Variants in P2RX5 observed in about 807,000 individuals in gnomAD.
The protein encoded by P2RX5 is purinergic receptor P2X 5, also known as P2X purinoceptor 5.
In P2RX5, 46 loss-of-function variants were observed where a neutral mutation model predicts 54.1. That is an observed-to-expected ratio of 0.85 (90% CI 0.67 to 1.09). The LOEUF is 1.09. Among genes scored for constraint, P2RX5 ranks in the 50% least tolerant of loss-of-function variants. The probability of loss-of-function intolerance (pLI) is 0.00; values close to 1 mark genes in which losing one functional copy is unlikely to be tolerated. For missense variants in P2RX5, 566 were observed against 549.8 expected, an observed-to-expected ratio of 1.03 and a Z score of -0.29; for synonymous variants, 226 against 226.4, an observed-to-expected ratio of 1.00 and a Z score of 0.02.
At chr17:3,721,818 GGT>G in the P2RX5 span, 1 of 152,040 alleles carries the variant, frequency 6.6e-6, no homozygotes, top group African/African-American at 2.4e-5. Context: ...GGCTGAGGTG[GGT>G]AGATCATCTG....
At chr17:3,715,053 T>C in the P2RX5 span, 4 of 645,482 alleles carry the variant, frequency 6.2e-6, no homozygotes, top group African/African-American at 5.4e-5. Flanking sequence ...CTGCTTCTCA[T>C]ACTTACTACT....
chr17:3,684,574 C>T (rs945764561), intron 9 of P2RX5, among the ~76,000 whole-genome samples: 2 of 152,236 alleles, frequency 1.3e-5, no homozygotes, highest in Non-Finnish European at 2.9e-5. Context: ...TGCACTCCAG[C>T]CTGGGCAACA....
At chr17:3,709,529 G>A in the P2RX5 span, among the ~76,000 whole-genome samples, 2 of 152,190 alleles carry the variant, frequency 1.3e-5, no homozygotes, top group Non-Finnish European at 2.9e-5. Flanking sequence ...CATGCCCTTA[G>A]TCCCAGCTAC....
the P2RX5 span, chr17:3,723,810 G>T: frequency 1.3e-6 from 2 of 1,581,998 alleles, no homozygotes; most frequent in African/African-American, 1.4e-5. Context: ...GTCCCGTCCC[G>T]GCCCCGGCCC....
At chr17:3,680,972 T>A (rs373713304) in intron 10 of P2RX5, among the ~76,000 whole-genome samples, 9 of 136,330 alleles carry the variant, frequency 6.6e-5, no homozygotes, top group East Asian at 6.6e-4. Context: ...TCCTCCACCC[T>A]GCATCCTCCA....
At chr17:3,688,385 C>T (rs1406267862) in intron 8 of P2RX5, among the ~76,000 whole-genome samples, 3 of 152,222 alleles carry the variant, frequency 2.0e-5, no homozygotes, top group Non-Finnish European at 4.4e-5. Context: ...GCGGCAGAGG[C>T]CGCAAGACTC....
upstream of P2RX5, among the ~76,000 whole-genome samples, chr17:3,699,928 A>G (rs1251183498): frequency 1.1e-5 from 1 of 90,296 alleles, no homozygotes; most frequent in South Asian, 5.0e-4. Context: ...GAAAGAAAGA[A>G]AGAAAGAAAG....
At chr17:3,695,754 G>T in intron 1 of P2RX5, 115 bp downstream of exon 1, 1 of 1,319,854 alleles carries the variant, frequency 7.6e-7, no homozygotes, top group Non-Finnish European at 1.1e-6. Context: ...CAGACCCCCA[G>T]CTACCGGGAA....
intron 11 of P2RX5, chr17:3,676,015 C>G (rs1235069921): frequency 1.7e-5 from 17 of 985,252 alleles, no homozygotes; most frequent in Non-Finnish European, 2.0e-5. Flanking sequence ...GAGGGATGCT[C>G]TCACCACCCC....
the P2RX5 span, among the ~76,000 whole-genome samples, chr17:3,707,147 T>TA: frequency 4.6e-5 from 7 of 152,310 alleles, no homozygotes; most frequent in Admixed American, 2.6e-4. Flanking sequence ...AATAAGCTGA[T>TA]AGACGGTTGG....
chr17:3,701,228 T>A (rs540541446), upstream of P2RX5, among the ~76,000 whole-genome samples: 234 of 152,218 alleles, frequency 1.5e-3, no homozygotes, highest in African/African-American at 5.4e-3. Context: ...GAGGTTTTTT[T>A]TGCAATTTTT....
At chr17:3,721,336 A>G in the P2RX5 span, among the ~76,000 whole-genome samples, 1 of 132,532 alleles carries the variant, frequency 7.5e-6, no homozygotes, top group Admixed American at 8.8e-5. Context: ...GAGTGGCTCA[A>G]TCATAGCTCA....
chr17:3,707,990 G>A, the P2RX5 span, among the ~76,000 whole-genome samples: 5 of 150,374 alleles, frequency 3.3e-5, no homozygotes, highest in South Asian at 2.1e-4. Context: ...CCCGGGATGC[G>A]GAACTTGCAG....
the P2RX5 span, among the ~76,000 whole-genome samples, chr17:3,701,746 G>GGT: frequency 9.4e-6 from 1 of 106,424 alleles, no homozygotes; most frequent in South Asian, 3.4e-4. Flanking sequence ...CATTTTCTCT[G>GGT]TTTTTTTTTT....
Position 3,688,120 on chromosome 17 carries a change from GC to G in P2RX5, c.888-16del. 2.7e-6 allele frequency: 4 copies of G among 1,477,436 alleles called. No homozygotes were observed. Among genetic ancestry groups the G allele is most frequent in the Non-Finnish European group, 3.8e-6 (4 of 1,064,590 alleles). The allele number at this position is 1,477,436 out of a possible 1,614,324, so 91.5% of individuals were successfully genotyped here. On this transcript the variant is annotated splice_polypyrimidine_tract_variant and intron_variant, in intron 8 of 11. Coordinates refer to ENST00000225328, the MANE Select transcript of P2RX5 (RefSeq NM_002561.4). ...ATCTGGCAAATCTGAGGGAGACAGG[GC>G]CCAGGGGAGGCCTCAGCCTGCCTGG...
intron 1 of P2RX5, among the ~76,000 whole-genome samples, chr17:3,692,319 A>AAAATAAAT (rs569844706): frequency 6.6e-6 from 1 of 151,990 alleles, no homozygotes; most frequent in African/African-American, 2.4e-5. Flanking sequence ...TCTGTCTCAA[A>AAAATAAAT]AAATAAATAA....
the P2RX5 span, among the ~76,000 whole-genome samples, chr17:3,713,917 T>C: frequency 0.38 from 57,563 of 151,010 alleles, 13,048 homozygotes; most frequent in South Asian, 0.6. Context: ...TTAAGAATTA[T>C]CTGAAAGGAT....
At position 3,690,494 on chromosome 17, in the gene P2RX5, C is replaced by G; in HGVS notation, c.466G>C (p.Glu156Gln). The change falls in exon 5 of 12, where the codon GAG becomes CAG. Residue 156 changes from glutamate to glutamine, a missense_variant. Glu to Gln is a conservative substitution (Grantham distance 29). Coordinates refer to ENST00000225328, the MANE Select transcript of P2RX5 (RefSeq NM_002561.4). ...TCACAGGTGCCCCTGGCCAAGTTCT[C>G]TCTCCGCAGGCAGCGGCCGGTCTTC... ...GVKTGRCLRR[E>Q]NLARGTCEIF... The G allele has an allele frequency of 6.2e-7, 1 of 1,613,612 alleles. No homozygotes were observed. Among genetic ancestry groups the G allele is most frequent in the Non-Finnish European group, 8.5e-7 (1 of 1,179,966 alleles).
chr17:3,682,277 C>T (rs561453164), intron 9 of P2RX5: 147 of 432,806 alleles, frequency 3.4e-4, no homozygotes, highest in African/African-American at 2.6e-3. Flanking sequence ...GCACCCAGCA[C>T]GTGCCAGTGT....
Sources: allele counts gnomAD v4.1 joint callset (sites outside exome capture counted in the v4.1 genomes callset), GRCh38; gene constraint gnomAD v4.1.1; transcripts MANE v1.5; gene names NCBI Gene and HGNC (gene_info 2026-07-23, HGNC 2026-07-21).